Variants in TNK2 observed in about 807,000 individuals in gnomAD.
The protein encoded by TNK2 is activated CDC42 kinase 1.
A neutral mutation model predicts 101.8 loss-of-function variants in TNK2; 83 were observed. The ratio of observed to expected loss-of-function variants is 0.82; its 90% CI spans 0.68 to 0.98. TNK2 has a LOEUF of 0.98. TNK2 is among the 50% of genes least tolerant of loss of function. The probability of loss-of-function intolerance (pLI) is 0.00; values close to 1 mark genes in which losing one functional copy is unlikely to be tolerated. For missense variants in TNK2, 1,665 were observed against 1,483.2 expected (o/e 1.12, Z -2.01); for synonymous variants, 804 against 633.0 (o/e 1.27, Z -4.06).
chr3:195,882,370 C>T lies in TNK2; in HGVS notation c.610-42G>A, dbSNP rs1338545495. On this transcript the variant is annotated intron_variant, in intron 5 of 15. Coordinates refer to ENST00000672887, the MANE Select transcript of TNK2 (RefSeq NM_001382273.1). This position sits in a 1 kb window ranked among gnomAD's most constrained non-coding sequence, Gnocchi z 4.2. ...GGCAGGAGGAATGAGCTGGAGGACC[C>T]TGCCCCTTCTCAGCAGCCCACGCTG... 1.9e-6 allele frequency: 3 copies of T among 1,604,454 alleles called. No homozygotes were observed. Among genetic ancestry groups the T allele is most frequent in the Non-Finnish European group, 2.6e-6 (3 of 1,173,416 alleles).
intron 15 of TNK2, among the ~76,000 whole-genome samples, chr3:195,865,275 G>C (rs1348386769): frequency 7.1e-6 from 1 of 140,434 alleles, no homozygotes; most frequent in Non-Finnish European, 1.5e-5. Context: ...GCGAGTGCCT[G>C]CGTCCCAGGT....
At chr3:195,876,434 A>G (rs1479624203) in intron 9 of TNK2, 3 of 456,772 alleles carry the variant, frequency 6.6e-6, no homozygotes, top group South Asian at 4.6e-5. Flanking sequence ...ACCCAGGCCC[A>G]AAGACTCACA....
rs375366800 is a variant in TNK2, at chr3:195,867,099, G to A, written c.3033+70C>T. The stretch of plus-strand genomic sequence containing the variant: ...AAGAGGGGAGTCGGAGCCAGGGGGC[G>A]TGGGGCTGGGGGCAGCAGAACCAGG... On this transcript the variant is annotated intron_variant, in intron 14 of 15. Coordinates refer to ENST00000672887, the MANE Select transcript of TNK2 (RefSeq NM_001382273.1). 1.8e-5 allele frequency: 29 copies of A among 1,607,226 alleles called. No homozygotes were observed. The East Asian group carries it at 2.5e-4, about 14-fold the overall frequency.
At chr3:195,902,613 G>A (rs1369185035) in intron 1 of TNK2, among the ~76,000 whole-genome samples, 9 of 108,426 alleles carry the variant, frequency 8.3e-5, no homozygotes, top group African/African-American at 2.3e-4. Context: ...GCAAGACTCC[G>A]TCTCAAAAAA....
chr3:195,895,333 G>GAGA (rs1760143404), intron 1 of TNK2: 2 of 1,571,190 alleles, frequency 1.3e-6, no homozygotes, highest in African/African-American at 2.8e-5. Flanking sequence ...CGGTCAGGGA[G>GAGA]AGAAGCAGCG....
chr3:195,877,331 C>G (rs868174275), intron 9 of TNK2, among the ~76,000 whole-genome samples: 4 of 152,106 alleles, frequency 2.6e-5, no homozygotes, highest in African/African-American at 9.7e-5. Context: ...GGTGTCGGGG[C>G]CACAGCGGTG....
chr3:195,868,522 G>A lies in TNK2; in HGVS notation c.1776C>T (p.Pro592=), dbSNP rs758652330. 61 of 1,559,890 alleles carry A rather than the reference G, an allele frequency of 3.9e-5. No homozygotes were observed. Among genetic ancestry groups the A allele is most frequent in the South Asian group, 1.9e-4 (17 of 87,324 alleles). ...CGCAGGGCCGTAGGGCCGGGACCAC[G>A]GGCTCCTCACCGAAGTCGATGAGCG... is the stretch of plus-strand genomic sequence containing the variant. The part of the protein sequence containing the change: ...EVTLIDFGEE[P]VVPALRPCAP... The change falls in exon 13 of 16, where the codon CCC becomes CCT. Residue 592 remains proline, a synonymous_variant. Transcript: ENST00000672887.
At chr3:195,908,253 C>A in intron 1 of TNK2, 1 of 153,516 alleles carries the variant, frequency 6.5e-6, no homozygotes, top group Non-Finnish European at 1.4e-5. Flanking sequence ...GCCACCCAGA[C>A]GTCCCGCCTG....
intron 1 of TNK2, among the ~76,000 whole-genome samples, chr3:195,893,182 A>T (rs1759292665): frequency 6.6e-6 from 1 of 150,612 alleles, no homozygotes; most frequent in Admixed American, 6.6e-5. Context: ...CTCCTCAGAG[A>T]CCCTCCCCCA....
At chr3:195,877,281 T>C (rs1208023963) in intron 9 of TNK2, among the ~76,000 whole-genome samples, 1 of 152,074 alleles carries the variant, frequency 6.6e-6, no homozygotes, top group Non-Finnish European at 1.5e-5. Context: ...TCCCAGACCC[T>C]GGGCCCAAGG....
At chr3:195,875,927 G>C (rs1168500362) in intron 9 of TNK2, among the ~76,000 whole-genome samples, 1 of 152,176 alleles carries the variant, frequency 6.6e-6, no homozygotes, top group African/African-American at 2.4e-5. Flanking sequence ...GTTCCCGTCC[G>C]GGCCGAAGGT....
At position 195,878,300 on chromosome 3, in the gene TNK2, G is replaced by A; in HGVS notation, c.1209C>T (p.Asp403=). 4.3e-6 allele frequency: 7 copies of A among 1,614,038 alleles called. No individual in the cohort carries two copies. Among genetic ancestry groups the A allele is most frequent in the Non-Finnish European group, 5.9e-6 (7 of 1,180,010 alleles). The change falls in exon 9 of 16, where the codon GAC becomes GAT. Residue 403 remains aspartate (D), a synonymous_variant. Transcript: ENST00000672887. The surrounding 1 kb of genome is among the most constrained non-coding windows in gnomAD (Gnocchi z 4.7). Reference sequence around the variant, plus strand: ...CATCATTCATCTGGATGTGCAGCTTGTCCGGTTCCTCAAAGTCCTGAAGGG... The same window carrying A: ...CATCATTCATCTGGATGTGCAGCTTATCCGGTTCCTCAAAGTCCTGAAGGG... ...MRALQDFEEP[D]KLHIQMNDVI... is the part of the protein sequence containing the mutation.
Position 195,878,743 on chromosome 3 carries a change from A to G in TNK2, c.1015-151T>C, listed in dbSNP as rs1750796203. 8.1e-7 allele frequency: 1 copy of G among 1,241,384 alleles called. No individual in the cohort carries two copies. 76.9% of individuals were successfully genotyped at this position (1,241,384 alleles called of 1,614,324 possible). On this transcript the variant is annotated intron_variant, in intron 7 of 15. Coordinates refer to ENST00000672887, the MANE Select transcript of TNK2 (RefSeq NM_001382273.1). The surrounding 1 kb of genome is among the most constrained non-coding windows in gnomAD (Gnocchi z 4.7). ...TGCCTGCCTGGGAGGGGCCCTCTCC[A>G]GAGCCCCAGTCCCTTCTTCCCAGGT...
Position 195,879,453 on chromosome 3 carries a change from G to A in TNK2, c.888-278C>T, listed in dbSNP as rs370667155. 4.8e-4 allele frequency: 166 copies of A among 343,330 alleles called. 1 individual carries two copies. The highest frequency in any genetic ancestry group is 3.0e-3 in the African/African-American group (144 of 47,670). 21.3% of individuals were successfully genotyped at this position (343,330 alleles called of 1,614,324 possible). A position where few individuals can be genotyped will look rare whatever the true frequency, so the allele number is the denominator to read the frequency against. On this transcript the variant is annotated intron_variant, in intron 6 of 15. Coordinates refer to ENST00000672887, the MANE Select transcript of TNK2 (RefSeq NM_001382273.1). ...GCCAGAGAAGCATGGAAAGGAAGGA[G>A]GTCAGAGGCTCTGGGATGGGGCAGG...
chr3:195,877,842 G>A (rs1750289468), intron 9 of TNK2, among the ~76,000 whole-genome samples: 1 of 152,222 alleles, frequency 6.6e-6, no homozygotes, highest in Non-Finnish European at 1.5e-5. Context: ...CAAGAGGGCA[G>A]GCTGGGCTGC....
intron 1 of TNK2, among the ~76,000 whole-genome samples, chr3:195,897,405 A>AG (rs1760721688): frequency 4.6e-5 from 7 of 152,198 alleles, no homozygotes; most frequent in Admixed American, 4.6e-4. Context: ...ACTCCCTCCC[A>AG]GGGGGGCCTG....
In TNK2 at chr3:195,868,488, G is replaced by C. The variant is rs1449421834; in HGVS notation, c.1810C>G (p.Leu604Val). Residue 604 changes from leucine (L) to valine (V), a missense_variant, in exon 13 of 16, where the codon CTG becomes GTG. By Grantham distance (32) the Leu-to-Val change is conservative (BLOSUM62 1). Transcript: ENST00000672887. ...CAGGCGTCCATGGCCAGCTGCGCCA[G>C]GGAGGGCGCGCAGGGCCGTAGGGCC... ...VPALRPCAPS[L>V]AQLAMDACSL... The C allele has an allele frequency of 1.3e-6, 2 of 1,549,242 alleles. No homozygotes were observed. The highest frequency in any genetic ancestry group is 1.7e-6 in the Non-Finnish European group (2 of 1,158,886).
chr3:195,881,376 G>C (rs1286046600), intron 6 of TNK2, among the ~76,000 whole-genome samples: 5 of 3,810 alleles, frequency 1.3e-3, no homozygotes, highest in African/African-American at 2.0e-3. Context: ...ATCTATCCCT[G>C]TAACACCCCC....
intron 1 of TNK2, among the ~76,000 whole-genome samples, chr3:195,894,064 G>A (rs1759638486): frequency 6.6e-6 from 1 of 152,198 alleles, no homozygotes; most frequent in African/African-American, 2.4e-5. Context: ...ACAAGATCAG[G>A]CCTGCGTTAC....
Sources: gnomAD v4.1 joint callset for allele counts (sites outside exome capture counted in the v4.1 genomes callset) on GRCh38, gnomAD v4.1.1 for gene constraint, Gnocchi (gnomAD v3.1) non-coding constraint, MANE v1.5 for transcripts, NCBI Gene and HGNC (gene_info 2026-07-23, HGNC 2026-07-21) for gene names.